The following FLT3 variants were observed in gnomAD, a reference collection of about 807,000 sequenced individuals.
FLT3 encodes the protein fms related receptor tyrosine kinase 3.
Under a neutral mutation model 126.6 loss-of-function variants are expected in FLT3, and 46 were observed. The ratio of observed to expected loss-of-function variants is 0.36; its 90% confidence interval spans 0.29 to 0.46. The LOEUF (loss-of-function observed/expected upper bound fraction) is 0.46, where lower values mean the gene tolerates loss of function less well. Among genes scored for constraint, FLT3 ranks in the 20% least tolerant of loss-of-function variants. FLT3 has a pLI of 1.00. For missense variants in FLT3, 1,069 were observed against 1,190.3 expected (o/e 0.90, Z 1.50); for synonymous variants, 404 against 434.4 (o/e 0.93, Z 0.87).
chr13:28,066,556 T>C (rs1181453972), intron 2 of FLT3, among the ~76,000 whole-genome samples: 2 of 152,164 alleles, frequency 1.3e-5, no homozygotes, highest in Admixed American at 1.3e-4. Flanking sequence ...TAGTTCCTAA[T>C]GGCCAAAGCT....
intron 1 of FLT3, among the ~76,000 whole-genome samples, chr13:28,078,816 C>T (rs903601274): frequency 2.0e-5 from 3 of 151,806 alleles, no homozygotes; most frequent in Admixed American, 6.6e-5. Flanking sequence ...CAGGTTCAAG[C>T]GATTCTCCTG....
intron 1 of FLT3, among the ~76,000 whole-genome samples, chr13:28,091,202 A>ATTTTCTT (rs1879012395): frequency 2.9e-5 from 1 of 34,138 alleles, no homozygotes; most frequent in African/African-American, 1.2e-4. Flanking sequence ...TTTGGGCCCC[A>ATTTTCTT]TTTTCTTTTT....
chr13:28,078,387 G>A (rs753156447), intron 1 of FLT3, among the ~76,000 whole-genome samples: 2 of 152,202 alleles, frequency 1.3e-5, no homozygotes, highest in African/African-American at 2.4e-5. Flanking sequence ...TGAACACCAC[G>A]TGGAAGCTGC....
intron 17 of FLT3, among the ~76,000 whole-genome samples, chr13:28,026,629 G>T (rs1365884869): frequency 6.6e-6 from 1 of 152,174 alleles, no homozygotes; most frequent in Non-Finnish European, 1.5e-5. Flanking sequence ...ACTTTACTGT[G>T]TCCCCATCAC....
At position 28,014,504 on chromosome 13, in the gene FLT3, A is replaced by G. The variant is rs1566057125; in HGVS notation, c.2807T>C (p.Phe936Ser). ...TCCTAAAAACGAAGTCAAATTAGGG[A>G]AGGATGGCCGTTTCCTTGAGTCAAA... is the stretch of plus-strand genomic sequence containing the variant. ...WAFDSRKRPS[F>S]PNLTSFLGCQ... Residue 936 changes from phenylalanine to serine, a missense_variant, in exon 23 of 24, where the codon TTC (phenylalanine) becomes TCC (serine). Phe to Ser is a radical substitution (Grantham distance 155, BLOSUM62 -2). Transcript: ENST00000241453. The G allele has an allele frequency of 6.2e-7, 1 of 1,614,100 alleles. No individual in the cohort carries two copies. The highest frequency in any genetic ancestry group is 8.5e-7 in the Non-Finnish European group (1 of 1,179,976).
chr13:28,019,594 A>C (rs886791646), intron 19 of FLT3, among the ~76,000 whole-genome samples: 1 of 151,982 alleles, frequency 6.6e-6, no homozygotes, highest in African/African-American at 2.4e-5. Flanking sequence ...CTCCATACCC[A>C]GTTTTTTCAG....
intron 1 of FLT3, among the ~76,000 whole-genome samples, chr13:28,098,270 G>T (rs1029985584): frequency 7.0e-6 from 1 of 143,804 alleles, no homozygotes; most frequent in African/African-American, 2.6e-5. Flanking sequence ...AGCTGAGATC[G>T]CGCCACTACA....
In FLT3 at chr13:28,049,644, T is replaced by A. The variant is rs1875250369; in HGVS notation, c.873A>T (p.Ala291=). The part of the protein sequence containing the change: ...FGLTWELENK[A]LEEGNYFEMS... ...AAACTTGTCCTATTACCTCCTCGAG[T>A]GCTTTGTTTTCTAATTCCCAGGTGA... The change falls in exon 7 of 24, where the codon GCA becomes GCT. Residue 291 remains alanine, a synonymous_variant. Transcript: ENST00000241453. 6.2e-7 allele frequency: 1 copy of A among 1,613,976 alleles called. No individual in the cohort carries two copies.
At chr13:28,095,451 T>A (rs541515952) in intron 1 of FLT3, among the ~76,000 whole-genome samples, 1 of 152,262 alleles carries the variant, frequency 6.6e-6, no homozygotes, top group South Asian at 2.1e-4. Context: ...AATTTTTGTA[T>A]TTTTAGTAGA....
chr13:28,060,690 C>A (rs28858374), intron 3 of FLT3, among the ~76,000 whole-genome samples: 1 of 151,828 alleles, frequency 6.6e-6, no homozygotes, highest in Admixed American at 6.6e-5. Context: ...ACCGAACATC[C>A]CCCTCTGGGC....
chr13:28,069,136 C>T (rs541734087), intron 2 of FLT3, among the ~76,000 whole-genome samples: 8 of 152,224 alleles, frequency 5.3e-5, no homozygotes, highest in African/African-American at 1.7e-4. Context: ...AAGGATGTGC[C>T]TGCTTCAGGG....
At chr13:28,041,607 A>T (rs1485761630) in intron 9 of FLT3, among the ~76,000 whole-genome samples, 1 of 152,206 alleles carries the variant, frequency 6.6e-6, no homozygotes, top group Non-Finnish European at 1.5e-5. Flanking sequence ...ATGGCTTTAA[A>T]CTGCCTTTCC....
At chr13:28,046,567 T>C (rs1874899921) in intron 9 of FLT3, among the ~76,000 whole-genome samples, 1 of 152,242 alleles carries the variant, frequency 6.6e-6, no homozygotes, top group Non-Finnish European at 1.5e-5. Flanking sequence ...CATTTTAATA[T>C]ATAATCAATG....
chr13:28,082,716 T>TTTTGC, intron 1 of FLT3, among the ~76,000 whole-genome samples: 1 of 150,656 alleles, frequency 6.6e-6, no homozygotes, highest in African/African-American at 2.5e-5. Flanking sequence ...TTTTGTTTTG[T>TTTTGC]TTTTTGAGAC....
chr13:28,059,066 C>T (rs1876302403), intron 3 of FLT3, among the ~76,000 whole-genome samples: 1 of 152,090 alleles, frequency 6.6e-6, no homozygotes. Context: ...GTAATACAAT[C>T]GCAAAAGAGG....
chr13:28,079,902 C>T (rs1566102328), intron 1 of FLT3, among the ~76,000 whole-genome samples: 1 of 152,092 alleles, frequency 6.6e-6, no homozygotes. Context: ...AAGGGAGCAG[C>T]CATCACATAG....
chr13:28,092,094 G>T (rs1053559625), intron 1 of FLT3, among the ~76,000 whole-genome samples: 1 of 152,028 alleles, frequency 6.6e-6, no homozygotes, highest in Admixed American at 6.6e-5. Flanking sequence ...AAATAAAAAA[G>T]AATATATCTG....
intron 2 of FLT3, among the ~76,000 whole-genome samples, chr13:28,069,694 CT>C (rs529124035): frequency 1.2e-4 from 19 of 152,230 alleles, no homozygotes; most frequent in African/African-American, 4.3e-4. Flanking sequence ...CATGTACCGA[CT>C]TTTTTCCCTT....
chr13:28,073,411 G>A (rs1351627681), intron 1 of FLT3: 1 of 446,532 alleles, frequency 2.2e-6, no homozygotes, highest in Non-Finnish European at 4.4e-6. Flanking sequence ...GATAGCGACA[G>A]GAGGTAATAT....
Sources: gnomAD v4.1 joint callset for allele counts (sites outside exome capture counted in the v4.1 genomes callset) on GRCh38, gnomAD v4.1.1 for gene constraint, MANE v1.5 for transcripts, NCBI Gene and HGNC (gene_info 2026-07-23, HGNC 2026-07-21) for gene names.